The following RAP1GAP variants were observed in gnomAD, a reference collection of about 807,000 sequenced individuals.
The protein encoded by RAP1GAP is rap1 GTPase-activating protein 1.
In RAP1GAP, 35 loss-of-function variants were observed where a neutral mutation model predicts 87.2. The observed-to-expected ratio is 0.40, with a 90% CI of 0.31 to 0.53. The LOEUF (loss-of-function observed/expected upper bound fraction) is 0.53, where lower values mean the gene tolerates loss of function less well. Among genes scored for constraint, RAP1GAP ranks in the 20% least tolerant of loss-of-function variants. RAP1GAP has a pLI of 0.48. For synonymous variants in RAP1GAP, 375 were observed against 363.9 expected, an observed-to-expected ratio of 1.03 and a Z score of -0.35; for missense variants, 734 against 898.9, an observed-to-expected ratio of 0.82 and a Z score of 2.35.
chr1:21,627,777 C>T (rs935785023), intron 2 of RAP1GAP, among the ~76,000 whole-genome samples: 1 of 152,148 alleles, frequency 6.6e-6, no homozygotes, highest in African/African-American at 2.4e-5. Flanking sequence ...CCCGGAGGAA[C>T]CATCCACAGC....
In RAP1GAP at chr1:21,613,647, T is replaced by G. The variant is rs948571491; in HGVS notation, c.455A>C (p.Asn152Thr). The change falls in exon 9 of 25, where the codon AAT (asparagine) becomes ACT (threonine). Residue 152 changes from asparagine (N) to threonine (T), a missense_variant. Transcript: ENST00000374765. The surrounding 1 kb of genome is among the most constrained non-coding windows in gnomAD (Gnocchi z 4.7). The stretch of plus-strand genomic sequence containing the variant: ...CCTCACCTTTGCCATCTGGACAACA[T>G]TAGGGAACTCGGTGAGGCAGGAGAT... ...IPISCLTEFP[N>T]VVQMAKLVCE... 50 of 1,613,278 alleles carry G rather than the reference T, an allele frequency of 3.1e-5. No individual in the cohort carries two copies. The highest frequency in any genetic ancestry group is 4.2e-5 in the Non-Finnish European group (50 of 1,179,446).
Position 21,622,253 on chromosome 1 carries a change from TG to T in RAP1GAP, c.-18-2204del. On this transcript the variant is annotated intron_variant, in intron 3 of 24. Transcript: ENST00000374765. The surrounding 1 kb of genome is among the most constrained non-coding windows in gnomAD (Gnocchi z 5.7). ...CGGAGCCTTGTCCGCCCGCCCTGGC[TG>T]GGGCAGAGCCGGCCGGGCTCCCCAG... The T allele has an allele frequency of 2.5e-6, 1 of 395,644 alleles. No individual in the cohort carries two copies. The highest frequency in any genetic ancestry group is 4.5e-6 in the Non-Finnish European group (1 of 220,102). 24.5% of individuals were successfully genotyped at this position (395,644 alleles called of 1,614,324 possible).
At chr1:21,626,081 G>A (rs1452852667) in intron 3 of RAP1GAP, among the ~76,000 whole-genome samples, 1 of 152,156 alleles carries the variant, frequency 6.6e-6, no homozygotes, top group Non-Finnish European at 1.5e-5. Flanking sequence ...TTCGCCCTAA[G>A]CCCCTCCCTG....
chr1:21,604,537 T>C (rs1237840338), intron 18 of RAP1GAP, among the ~76,000 whole-genome samples: 1 of 152,094 alleles, frequency 6.6e-6, no homozygotes, highest in Non-Finnish European at 1.5e-5. Flanking sequence ...TGGTGGGTGC[T>C]GCTGGCCTGG....
chr1:21,602,982 T>TGG, intron 18 of RAP1GAP, 69 bp from the exon 19 acceptor site: 2 of 1,149,028 alleles, frequency 1.7e-6, no homozygotes, highest in African/African-American at 1.5e-5. Context: ...ACATCCCCTC[T>TGG]GGGGATCCTG....
At chr1:21,620,439 T>G (rs1277222159) in intron 3 of RAP1GAP, among the ~76,000 whole-genome samples, 1 of 152,098 alleles carries the variant, frequency 6.6e-6, no homozygotes, top group Non-Finnish European at 1.5e-5. Context: ...CAAGGCTCAG[T>G]CAACCAGGCT....
rs562622488 is a variant in RAP1GAP, at chr1:21,657,597, G to A, written c.-148-7801C>T. ...ATGTATTACAGGCTGGTGTCTAGCC[G>A]GCCAGCCCCCATCTCCTACCTCCAC... On this transcript the variant is annotated intron_variant, in intron 1 of 24. Transcript: ENST00000374765. Among the ~76,000 whole-genome samples the A allele has an allele frequency of 1.2e-4, 18 of 152,194 alleles. 1 individual carries two copies. In the South Asian group the frequency reaches 2.7e-3, roughly 23 times the overall value.
chr1:21,602,407 A>G (rs1268084582), intron 19 of RAP1GAP, among the ~76,000 whole-genome samples: 1 of 152,204 alleles, frequency 6.6e-6, no homozygotes, highest in Non-Finnish European at 1.5e-5. Flanking sequence ...CACTGCCCTC[A>G]TGCTGCCCAC....
chr1:21,645,758 A>C (rs904357885), intron 2 of RAP1GAP, among the ~76,000 whole-genome samples: 13 of 152,174 alleles, frequency 8.5e-5, no homozygotes, highest in African/African-American at 3.1e-4. Flanking sequence ...CCAGATGCAT[A>C]ATAGATGAGG....
chr1:21,601,740 G>C lies in RAP1GAP; in HGVS notation c.1596C>G (p.Pro532=), dbSNP rs753802760. 2 of 1,612,132 alleles carry C rather than the reference G, an allele frequency of 1.2e-6. No individual in the cohort carries two copies. The highest frequency in any genetic ancestry group is 1.1e-5 in the South Asian group (1 of 90,898). ...TPDSGHVSQE[P]KSENSSTQSS... ...TCTGAGTGGATGAGTTCTCCGACTT[G>C]GGCTCCTGTGAGACGTGCCCGCTGT... is the stretch of plus-strand genomic sequence containing the variant. The change falls in exon 20 of 25, where the codon CCC becomes CCG. Residue 532 remains proline (P), a synonymous_variant. Coordinates refer to ENST00000374765, the MANE Select transcript of RAP1GAP (RefSeq NM_002885.4).
intron 2 of RAP1GAP, among the ~76,000 whole-genome samples, chr1:21,640,114 A>G (rs1183830149): frequency 8.3e-6 from 1 of 121,054 alleles, no homozygotes; most frequent in Non-Finnish European, 1.6e-5. Context: ...CTCCTTCTCC[A>G]GACTCCTTTC....
chr1:21,657,829 T>C (rs562076538), intron 1 of RAP1GAP, among the ~76,000 whole-genome samples: 16 of 152,126 alleles, frequency 1.1e-4, no homozygotes, highest in Non-Finnish European at 2.4e-4. Flanking sequence ...TCATCTATAA[T>C]GGGGGGAGAG....
Position 21,635,774 on chromosome 1 carries a change from G to C in RAP1GAP, c.-112-9377C>G, listed in dbSNP as rs11810539. Among the ~76,000 whole-genome samples the C allele has an allele frequency of 1.9e-3, 296 of 152,328 alleles. 2 individuals are homozygous for C. The highest frequency in any genetic ancestry group is 7.0e-3 in the African/African-American group (289 of 41,576). ...ACAAGGTCACCATCTCCTAACCAAA[G>C]GTGACATGGGGAAGCCCTAGCTCTG... On this transcript the variant is annotated intron_variant, in intron 2 of 24. Transcript: ENST00000374765.
intron 10 of RAP1GAP, among the ~76,000 whole-genome samples, 200 bp from the exon 11 acceptor site, chr1:21,612,309 A>G (rs2078904171): frequency 6.6e-6 from 1 of 152,196 alleles, no homozygotes; most frequent in African/African-American, 2.4e-5. Context: ...CCTAGGGTCA[A>G]TGGCTTGCAA....
At chr1:21,628,744 T>C (rs531590006) in intron 2 of RAP1GAP, among the ~76,000 whole-genome samples, 1 of 151,804 alleles carries the variant, frequency 6.6e-6, no homozygotes, top group Non-Finnish European at 1.5e-5. Flanking sequence ...AAAAATTAGC[T>C]GGGCACAGTG....
chr1:21,657,654 C>T (rs371962106), intron 1 of RAP1GAP, among the ~76,000 whole-genome samples: 11 of 152,194 alleles, frequency 7.2e-5, no homozygotes, highest in South Asian at 2.1e-4. Context: ...AGCCCATTTT[C>T]GGGGCAGTTG....
At chr1:21,600,438 G>A (rs527863949) in intron 20 of RAP1GAP, among the ~76,000 whole-genome samples, 3 of 152,262 alleles carry the variant, frequency 2.0e-5, no homozygotes, top group South Asian at 2.1e-4. Flanking sequence ...CTCAGCCAAC[G>A]GACACCAAAT....
At chr1:21,628,066 T>A (rs935732550) in intron 2 of RAP1GAP, among the ~76,000 whole-genome samples, 2 of 152,320 alleles carry the variant, frequency 1.3e-5, no homozygotes, top group African/African-American at 4.8e-5. Flanking sequence ...ACATCATTTG[T>A]TCATGGTAAA....
At chr1:21,644,611 T>C (rs1280217372) in intron 2 of RAP1GAP, among the ~76,000 whole-genome samples, 1 of 152,066 alleles carries the variant, frequency 6.6e-6, no homozygotes, top group Non-Finnish European at 1.5e-5. Context: ...TGAAATTCAG[T>C]GGACCTGGCC....
Sources: allele counts gnomAD v4.1 joint callset (sites outside exome capture counted in the v4.1 genomes callset), GRCh38; gene constraint gnomAD v4.1.1; non-coding constraint Gnocchi (gnomAD v3.1); transcripts MANE v1.5; gene names NCBI Gene and HGNC (gene_info 2026-07-23, HGNC 2026-07-21).